Variants in AXIN1 observed in about 807,000 individuals in gnomAD.
AXIN1 encodes axin-1.
Under a neutral mutation model 76.4 loss-of-function variants are expected in AXIN1, and 30 were observed. The observed-to-expected ratio is 0.39, with a 90% CI of 0.29 to 0.53. AXIN1 has a LOEUF of 0.53. AXIN1 is among the 20% of genes least tolerant of loss of function. The pLI, the probability that AXIN1 is intolerant of heterozygous loss-of-function variation, is 0.66. For missense variants in AXIN1, 1,140 were observed against 1,198.8 expected, an observed-to-expected ratio of 0.95 and a Z score of 0.72; for synonymous variants, 545 against 501.4, an observed-to-expected ratio of 1.09 and a Z score of -1.16.
At chr16:319,074 T>C (rs531054335) in intron 2 of AXIN1, among the ~76,000 whole-genome samples, 2 of 152,282 alleles carry the variant, frequency 1.3e-5, no homozygotes, top group Admixed American at 1.3e-4. Flanking sequence ...ACAGCTCTTC[T>C]GGAACAGGTG....
chr16:290,995 G>A (rs900948002), intron 9 of AXIN1, 195 bp downstream of exon 9: 12 of 645,104 alleles, frequency 1.9e-5, no homozygotes, highest in African/African-American at 7.2e-5. Flanking sequence ...GACAGTCAGC[G>A]TCTCCTTTGA....
At chr16:334,408 G>A (rs1293522612) in intron 2 of AXIN1, among the ~76,000 whole-genome samples, 1 of 149,344 alleles carries the variant, frequency 6.7e-6, no homozygotes, top group East Asian at 2.0e-4. Context: ...CCAGCACCCA[G>A]TACCATGGCA....
At chr16:339,954 C>T (rs1309438029) in intron 2 of AXIN1, among the ~76,000 whole-genome samples, 1 of 152,188 alleles carries the variant, frequency 6.6e-6, no homozygotes, top group African/African-American at 2.4e-5. Flanking sequence ...AGCACCACCG[C>T]CTGAGGTCCA....
intron 8 of AXIN1, 34 bp from the exon 9 acceptor site, chr16:291,331 C>T (rs762859338): frequency 4.4e-5 from 67 of 1,527,238 alleles, no homozygotes; most frequent in Admixed American, 7.8e-5. Context: ...GTGGCTGTGC[C>T]GGCGGCCACC....
chr16:323,022 C>G (rs2053492636), intron 2 of AXIN1, among the ~76,000 whole-genome samples: 1 of 152,200 alleles, frequency 6.6e-6, no homozygotes, highest in Admixed American at 6.5e-5. Flanking sequence ...CCAAGCGTGG[C>G]TCAGGCCTGA....
chr16:304,552 T>G lies in AXIN1; in HGVS notation c.1117-111A>C, dbSNP rs1282861041. On this transcript the variant is annotated intron_variant, in intron 4 of 10. Coordinates refer to ENST00000262320, the MANE Select transcript of AXIN1 (RefSeq NM_003502.4). ...TCTGTTGTATTTTATTTTATTTTTTTGAGACAAACTCTTGCTCTGTCACCC... is the reference window on the plus strand; with the variant it reads ...TCTGTTGTATTTTATTTTATTTTTTGGAGACAAACTCTTGCTCTGTCACCC... The G allele has an allele frequency of 3.3e-6, 5 of 1,501,272 alleles. No individual in the cohort carries two copies. The African/African-American group carries it at 7.0e-5, about 21-fold the overall frequency. 93.0% of individuals were successfully genotyped at this position (1,501,272 alleles called of 1,614,324 possible).
intron 2 of AXIN1, among the ~76,000 whole-genome samples, chr16:325,078 C>T (rs2053550377): frequency 1.3e-5 from 2 of 151,658 alleles, no homozygotes; most frequent in African/African-American, 2.4e-5. Context: ...CCCGCGGGCG[C>T]GCCCCAGGAA....
rs746785483 is a variant in AXIN1 at position 346,565 on chromosome 16, C to A, written c.461G>T (p.Gly154Val). 1 of 1,613,460 alleles carries A rather than the reference C, an allele frequency of 6.2e-7. No homozygotes were observed. Among genetic ancestry groups the A allele is most frequent in the Non-Finnish European group, 8.5e-7 (1 of 1,179,550 alleles). The change falls in exon 2 of 11, where the codon GGC becomes GTC. Residue 154 changes from glycine to valine, a missense_variant. This residue lies in a region of AXIN1 where 708 missense variants were observed against 776.9 expected (regional missense o/e 0.91). Transcript: ENST00000262320. ...IYRKYILDNN[G>V]IVSRQTKPAT... The stretch of plus-strand genomic sequence containing the variant: ...TGGCTTGGTCTGCCGGGACACGATG[C>A]CATTGTTATCAAGAATGTACTTTCG...
chr16:312,837 T>G (rs2053213649), intron 3 of AXIN1, among the ~76,000 whole-genome samples: 1 of 152,240 alleles, frequency 6.6e-6, no homozygotes, highest in South Asian at 2.1e-4. Flanking sequence ...ATGTGACAAC[T>G]TGTTCTCCTC....
chr16:318,858 T>C (rs1434503024), intron 2 of AXIN1, among the ~76,000 whole-genome samples: 1 of 151,984 alleles, frequency 6.6e-6, no homozygotes, highest in Non-Finnish European at 1.5e-5. Context: ...GGGGCCTTGG[T>C]GAGAGCGGCT....
intron 9 of AXIN1, chr16:290,970 C>T (rs2052540745): frequency 3.3e-6 from 2 of 607,994 alleles, no homozygotes; most frequent in South Asian, 1.9e-5. Context: ...CTTTTGGTCA[C>T]TTGTCATCAT....
chr16:350,882 A>G (rs2054128268), intron 1 of AXIN1, among the ~76,000 whole-genome samples: 1 of 152,240 alleles, frequency 6.6e-6, no homozygotes. Flanking sequence ...CTGTAATCCC[A>G]GCACTTTGGG....
At chr16:347,712 G>A (rs1437158134) in intron 1 of AXIN1, among the ~76,000 whole-genome samples, 1 of 152,166 alleles carries the variant, frequency 6.6e-6, no homozygotes, top group African/African-American at 2.4e-5. Context: ...ACACTGCAGG[G>A]TGTTCCTCCG....
At chr16:322,248 G>T (rs2053475497) in intron 2 of AXIN1, among the ~76,000 whole-genome samples, 1 of 151,974 alleles carries the variant, frequency 6.6e-6, no homozygotes, top group Non-Finnish European at 1.5e-5. Context: ...CCAGGAGGAG[G>T]TGACCGAGGG....
chr16:322,383 C>A (rs567678675), intron 2 of AXIN1, among the ~76,000 whole-genome samples: 1 of 152,192 alleles, frequency 6.6e-6, no homozygotes, highest in Non-Finnish European at 1.5e-5. Flanking sequence ...TGTACCTGCC[C>A]GCAGTGGAGT....
At position 320,156 on chromosome 16, in the gene AXIN1, C is replaced by A. The variant is rs540100767; in HGVS notation, c.879-5473G>T. On this transcript the variant is annotated intron_variant, in intron 2 of 10. Transcript: ENST00000262320. ...CATTTTCTTTTTTATTCCCTGGACT[C>A]CCACCTTAGCTTCCCAGGTAGGTGG... Among the ~76,000 whole-genome samples the A allele has an allele frequency of 3.3e-5, 5 of 152,272 alleles. 1 individual carries two copies. The South Asian group carries it at 1.0e-3, about 32-fold the overall frequency.
At chr16:340,707 G>A (rs66960921) in intron 2 of AXIN1, among the ~76,000 whole-genome samples, 10,900 of 152,310 alleles carry the variant, frequency 0.072, 411 homozygotes, top group Non-Finnish European at 0.08. Context: ...GAGGCAGAGC[G>A]GGGGAGCCAG....
At chr16:326,795 T>C (rs892217579) in intron 2 of AXIN1, among the ~76,000 whole-genome samples, 2 of 151,732 alleles carry the variant, frequency 1.3e-5, no homozygotes, top group Admixed American at 6.6e-5. Context: ...ATCTCTATTT[T>C]ACTTCCTCCA....
intron 5 of AXIN1, among the ~76,000 whole-genome samples, chr16:303,386 T>A (rs1230420981): frequency 6.9e-6 from 1 of 144,192 alleles, no homozygotes; most frequent in Non-Finnish European, 1.5e-5. Flanking sequence ...GGGAAGTGAT[T>A]TTTTTTTTTT....
Sources: gnomAD v4.1 joint callset for allele counts (sites outside exome capture counted in the v4.1 genomes callset) on GRCh38, gnomAD v4.1.1 for gene constraint, gnomAD v4.1.1 regional missense constraint, MANE v1.5 for transcripts, NCBI Gene and HGNC (gene_info 2026-07-23, HGNC 2026-07-21) for gene names.